The following FLT1 variants were observed in gnomAD, a reference collection of about 807,000 sequenced individuals.
The protein encoded by FLT1 is fms related receptor tyrosine kinase 1.
In FLT1, 49 loss-of-function variants were observed where a neutral mutation model predicts 156.3. That is an observed-to-expected ratio of 0.31 (90% CI 0.25 to 0.40). FLT1 has a LOEUF of 0.40. FLT1 is among the 10% of genes least tolerant of loss of function. The pLI is 1.00. For missense variants in FLT1, 1,322 were observed against 1,637.2 expected, an observed-to-expected ratio of 0.81 and a Z score of 3.32; for synonymous variants, 594 against 583.8, an observed-to-expected ratio of 1.02 and a Z score of -0.25.
At position 28,301,626 on chromosome 13, in the gene FLT1, G is replaced by C. The variant is rs1870520945; in HGVS notation, c.*1541C>G. On this transcript the variant is annotated 3_prime_UTR_variant, in exon 30 of 30. Transcript: ENST00000282397. ...ATCCACTGTTGCCTCTCCAGCTTCT[G>C]ACTGGCTGCAGAAGGTGCAGACATC... 1 of 233,396 alleles carries C rather than the reference G, an allele frequency of 4.3e-6. No individual in the cohort carries two copies. The highest frequency in any genetic ancestry group is 8.5e-6 in the Non-Finnish European group (1 of 117,862). 14.5% of individuals were successfully genotyped at this position (233,396 alleles called of 1,614,324 possible).
At chr13:28,440,059 C>T (rs899542670) in intron 3 of FLT1, among the ~76,000 whole-genome samples, 2 of 152,086 alleles carry the variant, frequency 1.3e-5, no homozygotes, top group African/African-American at 4.8e-5. Context: ...TTAATTATTC[C>T]CACTCATCCT....
At chr13:28,459,126 C>A (rs1240085946) in intron 3 of FLT1, among the ~76,000 whole-genome samples, 1 of 152,208 alleles carries the variant, frequency 6.6e-6, no homozygotes, top group African/African-American at 2.4e-5. Flanking sequence ...GATAATTCTG[C>A]AGATGCACGT....
chr13:28,382,526 G>A (rs960153377), intron 14 of FLT1, among the ~76,000 whole-genome samples: 3 of 152,190 alleles, frequency 2.0e-5, no homozygotes, highest in Non-Finnish European at 4.4e-5. Flanking sequence ...AAGCAGGGAA[G>A]TGACATGTTC....
rs1490921453 is a variant in FLT1 at position 28,322,217 on chromosome 13, G to A, written c.3051+45C>T. 2 of 1,134,708 alleles carry A rather than the reference G, an allele frequency of 1.8e-6. No homozygotes were observed. Among genetic ancestry groups the A allele is most frequent in the Non-Finnish European group, 2.7e-6 (2 of 742,626 alleles). The allele number at this position is 1,134,708 out of a possible 1,614,324, so 70.3% of individuals were successfully genotyped here. A position where few individuals can be genotyped will look rare whatever the true frequency, so the allele number is the denominator to read the frequency against. On this transcript the variant is annotated intron_variant, in intron 22 of 29. Coordinates refer to ENST00000282397, the MANE Select transcript of FLT1 (RefSeq NM_002019.4). The surrounding 1 kb of genome is among the most constrained non-coding windows in gnomAD (Gnocchi z 4.3). Reference sequence around the variant, plus strand: ...AAATGAATTTATAGCAAAGGTGTGTGTCCAGCCCTGGCAGAGAAGAAAAAC... The same window carrying A: ...AAATGAATTTATAGCAAAGGTGTGTATCCAGCCCTGGCAGAGAAGAAAAAC...
At chr13:28,329,587 C>A (rs1871837180) in intron 19 of FLT1, 28 bp downstream of exon 19, 1 of 1,480,664 alleles carries the variant, frequency 6.8e-7, no homozygotes, top group African/African-American at 1.4e-5. Flanking sequence ...CAGGGGGAGA[C>A]GGAGCCGGCC....
Position 28,439,522 on chromosome 13 carries a change from C to A in FLT1, c.389-1177G>T, listed in dbSNP as rs1370169246. Among the ~76,000 whole-genome samples the A allele has an allele frequency of 9.2e-5, 14 of 152,192 alleles. No individual in the cohort carries two copies. The highest frequency in any genetic ancestry group is 3.4e-4 in the African/African-American group (14 of 41,452). ...TCATTATGGTAGAACTGTGTCCCCA[C>A]CAAAACGATATGCTGAAGTCCTAAC... is the stretch of plus-strand genomic sequence containing the variant. On this transcript the variant is annotated intron_variant, in intron 3 of 29. Transcript: ENST00000282397. This position sits in a 1 kb window ranked among gnomAD's most constrained non-coding sequence, Gnocchi z 4.1.
At chr13:28,374,935 G>A (rs1873779924) in intron 14 of FLT1, among the ~76,000 whole-genome samples, 1 of 151,942 alleles carries the variant, frequency 6.6e-6, no homozygotes, top group Admixed American at 6.6e-5. Flanking sequence ...ACTAGCAGGG[G>A]GCCCTGCTAT....
chr13:28,315,906 T>G (rs1354857354), intron 25 of FLT1, among the ~76,000 whole-genome samples: 1 of 152,186 alleles, frequency 6.6e-6, no homozygotes, highest in Non-Finnish European at 1.5e-5. Context: ...GACGGCACAT[T>G]GCTTCAGTTC....
chr13:28,317,685 C>G, intron 24 of FLT1, 88 bp from the exon 25 acceptor site: 2 of 819,448 alleles, frequency 2.4e-6, no homozygotes, highest in Non-Finnish European at 4.3e-6. Flanking sequence ...TTTCTTTCCT[C>G]CCTTTAAAGC....
At chr13:28,417,837 G>T (rs755489297) in intron 10 of FLT1, among the ~76,000 whole-genome samples, 1 of 151,804 alleles carries the variant, frequency 6.6e-6, no homozygotes, top group African/African-American at 2.4e-5. Context: ...AAGGCATGCC[G>T]AGGCTGAAAT....
rs1325790856 is a variant in FLT1, at chr13:28,495,074, A to G, written c.-231T>C. 6.0e-5 allele frequency: 28 copies of G among 463,136 alleles called. No individual in the cohort carries two copies. The South Asian group carries it at 9.3e-4, about 15-fold the overall frequency. The allele number at this position is 463,136 out of a possible 1,614,324, so 28.7% of individuals were successfully genotyped here. A position where few individuals can be genotyped will look rare whatever the true frequency, so the allele number is the denominator to read the frequency against. ...CTCCGAGCCGCCGCCGCTGCCGGGGAGGAGCCGAGAGGAGTGTCCGCCTGG... is the reference window on the plus strand; with the variant it reads ...CTCCGAGCCGCCGCCGCTGCCGGGGGGGAGCCGAGAGGAGTGTCCGCCTGG... On this transcript the variant is annotated 5_prime_UTR_variant, in exon 1 of 30. Coordinates refer to ENST00000282397, the MANE Select transcript of FLT1 (RefSeq NM_002019.4). This position sits in a 1 kb window ranked among gnomAD's most constrained non-coding sequence, Gnocchi z 4.1.
At chr13:28,486,496 C>T (rs748254) in intron 1 of FLT1, among the ~76,000 whole-genome samples, 85,717 of 152,116 alleles carry the variant, frequency 0.56, 25,133 homozygotes, top group Admixed American at 0.65. Context: ...GACCAAGGCA[C>T]GTGGGTGCCC....
rs776434858 is a variant in FLT1 at position 28,306,761 on chromosome 13, G to A, written c.3732C>T (p.Gly1244=). The A allele has an allele frequency of 8.0e-5, 129 of 1,611,574 alleles. No homozygotes were observed. The highest frequency in any genetic ancestry group is 1.8e-4 in the East Asian group (8 of 44,876). ...NATSMFDDYQ[G]DSSTLLASPM... ...GAGAGGCCAACAGAGTGCTGCTGTC[G>A]CCCTGGTAGTCCTAGGGGGAGAAGG... The change falls in exon 29 of 30, where the codon GGC becomes GGT. Residue 1244 remains glycine, a synonymous_variant. Coordinates refer to ENST00000282397, the MANE Select transcript of FLT1 (RefSeq NM_002019.4).
In FLT1 at chr13:28,405,864, G is replaced by C. The variant is rs1875761031; in HGVS notation, c.1467C>G (p.Ser489=). 1.2e-6 allele frequency: 2 copies of C among 1,607,942 alleles called. No individual in the cohort carries two copies. Among genetic ancestry groups the C allele is most frequent in the Non-Finnish European group, 1.7e-6 (2 of 1,176,330 alleles). The part of the protein sequence containing the change: ...RCDFCSNNEE[S]FILDADSNMG... The stretch of plus-strand genomic sequence containing the variant: ...TGTTGCTGTCAGCATCCAGGATAAA[G>C]GACTCTTCATTATTGGAACAAAAGT... The change falls in exon 11 of 30, where the codon TCC becomes TCG. Residue 489 remains serine, a synonymous_variant. Coordinates refer to ENST00000282397, the MANE Select transcript of FLT1 (RefSeq NM_002019.4).
intron 14 of FLT1, chr13:28,368,587 T>TGATGATGATGAC (rs1465294974): frequency 6.3e-5 from 94 of 1,502,358 alleles, no homozygotes; most frequent in Non-Finnish European, 7.7e-5. Context: ...GCTATGATGA[T>TGATGATGATGAC]GATGATGATG....
At chr13:28,388,945 C>T (rs1182726652) in intron 13 of FLT1, 3 of 1,064,816 alleles carry the variant, frequency 2.8e-6, no homozygotes. Context: ...CAGCAAGGAG[C>T]AAACCCTTTG....
At chr13:28,399,920 A>G (rs1275191755) in intron 11 of FLT1, among the ~76,000 whole-genome samples, 1 of 152,202 alleles carries the variant, frequency 6.6e-6, no homozygotes, top group Admixed American at 6.5e-5. Context: ...GAATTGTCTC[A>G]TTTAATCCTC....
intron 1 of FLT1, among the ~76,000 whole-genome samples, chr13:28,473,462 T>C (rs1036568076): frequency 6.6e-6 from 1 of 151,656 alleles, no homozygotes; most frequent in Admixed American, 6.6e-5. Context: ...CTGGCCAACA[T>C]GGTGAAACCC....
chr13:28,478,268 T>C (rs1234630947), intron 1 of FLT1, among the ~76,000 whole-genome samples: 2 of 152,234 alleles, frequency 1.3e-5, no homozygotes, highest in South Asian at 2.1e-4. Flanking sequence ...ATGGAATGCA[T>C]GTGACTCGCA....
Sources: allele counts gnomAD v4.1 joint callset (sites outside exome capture counted in the v4.1 genomes callset), GRCh38; gene constraint gnomAD v4.1.1; non-coding constraint Gnocchi (gnomAD v3.1); transcripts MANE v1.5; gene names NCBI Gene and HGNC (gene_info 2026-07-23, HGNC 2026-07-21).